TP53I3: variants seen among roughly 807,000 people sequenced by gnomAD.
The protein encoded by TP53I3 is tumor protein p53 inducible protein 3, also known as quinone oxidoreductase PIG3.
In TP53I3, 32 loss-of-function variants were observed where a neutral mutation model predicts 27.7. The observed-to-expected ratio is 1.16, with a 90% CI of 0.87 to 1.55. TP53I3 has a LOEUF of 1.55. Among genes scored for constraint, TP53I3 ranks in the 40% most tolerant of loss-of-function variants. The probability of loss-of-function intolerance (pLI) is 0.00; values close to 1 mark genes in which losing one functional copy is unlikely to be tolerated. For missense variants in TP53I3, 372 were observed against 412.3 expected, an observed-to-expected ratio of 0.90 and a Z score of 0.85; for synonymous variants, 138 against 167.8, an observed-to-expected ratio of 0.82 and a Z score of 1.37.
In TP53I3 at chr2:24,080,654, C is replaced by T; in HGVS notation, c.619+165G>A. ...CCATCTTAGATTTAAATATGACTGCCTGTCTCCAGTGGTCAAATACCATAG... is the reference window on the plus strand; with the variant it reads ...CCATCTTAGATTTAAATATGACTGCTTGTCTCCAGTGGTCAAATACCATAG... On this transcript the variant is annotated intron_variant, in intron 3 of 4. Transcript: ENST00000238721. This position sits in a 1 kb window ranked among gnomAD's most constrained non-coding sequence, Gnocchi z 4.7. 2.7e-6 allele frequency: 2 copies of T among 733,428 alleles called. No individual in the cohort carries two copies. The highest frequency in any genetic ancestry group is 3.4e-5 in the South Asian group (2 of 58,096). 45.4% of individuals were successfully genotyped at this position (733,428 alleles called of 1,614,324 possible).
rs536087523 is a variant in TP53I3 at position 24,081,786 on chromosome 2, C to G, written c.407-755G>C. Among the ~76,000 whole-genome samples the G allele has an allele frequency of 2.7e-3, 417 of 151,712 alleles. 3 individuals carry two copies. The highest frequency in any genetic ancestry group is 9.0e-3 in the African/African-American group (373 of 41,322). On this transcript the variant is annotated intron_variant, in intron 2 of 4. Coordinates refer to ENST00000238721, the MANE Select transcript of TP53I3 (RefSeq NM_004881.5). ...TCACTGCAAGCTCTGCCCCACCCCC[C>G]CTGCGTTCATGCCATTCTCTTGCCT...
chr2:24,078,112 T>G lies in TP53I3; in HGVS notation c.817-351A>C, dbSNP rs145401701. Among the ~76,000 whole-genome samples, 1,202 of 152,278 alleles carry G rather than the reference T, an allele frequency of 7.9e-3. 10 individuals are homozygous for G. Among genetic ancestry groups the G allele is most frequent in the Non-Finnish European group, 0.014 (927 of 68,022 alleles). ...GCAAAAAGCCCTTATCACCAGAGAC[T>G]GGAAACGGGGCTGCAATGGAACTGA... On this transcript the variant is annotated intron_variant, in intron 4 of 4. Coordinates refer to ENST00000238721, the MANE Select transcript of TP53I3 (RefSeq NM_004881.5).
chr2:24,079,432 T>C lies in TP53I3; in HGVS notation c.816+12A>G. The C allele has an allele frequency of 6.2e-7, 1 of 1,612,518 alleles. No homozygotes were observed. The highest frequency in any genetic ancestry group is 1.1e-5 in the South Asian group (1 of 90,992). On this transcript the variant is annotated intron_variant, in intron 4 of 4. Transcript: ENST00000238721. ...GGTTAAATCACATGTTTTCTTTTCA[T>C]TCATCACTCACCTTATTGTCCCTAG...
rs201028054 is a variant in TP53I3, at chr2:24,082,875, G to C, written c.406+10C>G. ...CACATTGTGTGGAGTGAGCATGGAG[G>C]CCTCCTCACCCACAAGATGTAACAG... is the stretch of plus-strand genomic sequence containing the variant. On this transcript the variant is annotated intron_variant, in intron 2 of 4. Coordinates refer to ENST00000238721, the MANE Select transcript of TP53I3 (RefSeq NM_004881.5). 1.9e-5 allele frequency: 30 copies of C among 1,595,446 alleles called. No individual in the cohort carries two copies. The highest frequency in any genetic ancestry group is 4.5e-4 in the Middle Eastern group (2 of 4,470).
chr2:24,082,867 G>GC lies in TP53I3; in HGVS notation c.406+17dup, dbSNP rs761021426. ...TGTTGAGCCACATTGTGTGGAGTGA[G>GC]CATGGAGGCCTCCTCACCCACAAGA... is the stretch of plus-strand genomic sequence containing the variant. On this transcript the variant is annotated intron_variant, in intron 2 of 4. Transcript: ENST00000238721. The GC allele has an allele frequency of 6.3e-7, 1 of 1,591,262 alleles. No individual in the cohort carries two copies. The highest frequency in any genetic ancestry group is 1.1e-5 in the South Asian group (1 of 88,944).
intron 1 of TP53I3, 27 bp from the exon 2 acceptor site, chr2:24,083,179 G>A: frequency 6.4e-7 from 1 of 1,566,280 alleles, no homozygotes; most frequent in Non-Finnish European, 8.7e-7. Flanking sequence ...GCACTAAGTG[G>A]TGAGCATGAT....
At chr2:24,079,251 G>A in intron 4 of TP53I3, 193 bp downstream of exon 4, 1 of 585,918 alleles carries the variant, frequency 1.7e-6, no homozygotes, top group Non-Finnish European at 3.0e-6. Flanking sequence ...TTCTTTTCAT[G>A]ATACTGAAGC....
rs1178836103 is a variant in TP53I3, at chr2:24,077,626, C to G, written c.952G>C (p.Glu318Gln). The G allele has an allele frequency of 6.2e-7, 1 of 1,613,966 alleles. No homozygotes were observed. Among genetic ancestry groups the G allele is most frequent in the Non-Finnish European group, 8.5e-7 (1 of 1,179,924 alleles). ...TEIQEAHKYM[E>Q]ANKNIGKIVL... ...ATCTTGCCTATGTTCTTGTTGGCCT[C>G]CATGTACTTATGGGCCTCCTGGATT... The change falls in exon 5 of 5, where the codon GAG becomes CAG. Residue 318 changes from glutamate to glutamine, a missense_variant. Glu to Gln is a conservative substitution (Grantham distance 29). Transcript: ENST00000238721. This position sits in a 1 kb window ranked among gnomAD's most constrained non-coding sequence, Gnocchi z 5.5.
Position 24,082,951 on chromosome 2 carries a change from TC to T in TP53I3, c.339del (p.Thr114ProfsTer2). On this transcript the variant is annotated frameshift_variant, in exon 2 of 5. Coordinates refer to ENST00000238721, the MANE Select transcript of TP53I3 (RefSeq NM_004881.5). LOFTEE classifies it high-confidence loss of function. ...EGLLMPIPEGLTLTQAAAIPE... is the reference protein window; with the variant it reads ...EGLLMPIPEGXTLTQAAAIPE... ...GGGATGGCTGCAGCCTGGGTCAGGG[TC>T]AATCCCTCTGGGATAGGCATGAGGA... 6.2e-7 allele frequency: 1 copy of T among 1,613,934 alleles called. No individual in the cohort carries two copies. Among genetic ancestry groups the T allele is most frequent in the Non-Finnish European group, 8.5e-7 (1 of 1,180,000 alleles).
Position 24,082,452 on chromosome 2 carries a change from C to A in TP53I3, c.406+433G>T, listed in dbSNP as rs559047525. 3.6e-3 allele frequency among the ~76,000 whole-genome samples: 547 copies of A among 152,344 alleles called. 5 individuals carry two copies. Among genetic ancestry groups the A allele is most frequent in the African/African-American group, 0.013 (530 of 41,574 alleles). Reference sequence around the variant, plus strand: ...CTTCTAAACTCTATGGTCATCTGATCTTATGCATATGTTGCCTTCTCAGTT... The same window carrying A: ...CTTCTAAACTCTATGGTCATCTGATATTATGCATATGTTGCCTTCTCAGTT... On this transcript the variant is annotated intron_variant, in intron 2 of 4. Coordinates refer to ENST00000238721, the MANE Select transcript of TP53I3 (RefSeq NM_004881.5).
intron 2 of TP53I3, among the ~76,000 whole-genome samples, chr2:24,081,690 GT>G (rs36028901): frequency 0.26 from 36,008 of 137,062 alleles, 3,961 homozygotes; most frequent in South Asian, 0.36. Flanking sequence ...CCTTGATACT[GT>G]TTTTTTTTTT....
rs1225918237 is a variant in TP53I3, at chr2:24,084,297, T to C, written c.30A>G (p.Gly10=). ...CCTTCACGTAGAGGTTTTCCGGTCC[T>C]CCCGGCTTGTCAAAGTGCACGGCTA... MLAVHFDKP[G]GPENLYVKEV... The change falls in exon 1 of 5, where the codon GGA becomes GGG. Residue 10 remains glycine (G), a synonymous_variant. Transcript: ENST00000238721. The surrounding 1 kb of genome is among the most constrained non-coding windows in gnomAD (Gnocchi z 8.4). 2 of 1,614,010 alleles carry C rather than the reference T, an allele frequency of 1.2e-6. No homozygotes were observed. The highest frequency in any genetic ancestry group is 2.2e-5 in the East Asian group (1 of 44,856).
rs539123617 is a variant in TP53I3 at position 24,079,046 on chromosome 2, G to A, written c.816+398C>T. The A allele has an allele frequency of 1.3e-4, 22 of 169,498 alleles. No individual in the cohort carries two copies. The South Asian group carries it at 2.6e-3, about 20-fold the overall frequency. 10.5% of individuals were successfully genotyped at this position (169,498 alleles called of 1,614,324 possible). A position where few individuals can be genotyped will look rare whatever the true frequency, so the allele number is the denominator to read the frequency against. On this transcript the variant is annotated intron_variant, in intron 4 of 4. Transcript: ENST00000238721. ...ACTACAAGCAAGTGCCACTGTGCCCGGCATGGAACCTATAATCTGTTGAAG... is the reference window on the plus strand; with the variant it reads ...ACTACAAGCAAGTGCCACTGTGCCCAGCATGGAACCTATAATCTGTTGAAG...
Position 24,077,852 on chromosome 2 carries a change from C to T in TP53I3, c.817-91G>A, listed in dbSNP as rs1233048624. 7.0e-7 allele frequency: 1 copy of T among 1,432,232 alleles called. No individual in the cohort carries two copies. Among genetic ancestry groups the T allele is most frequent in the African/African-American group, 1.4e-5 (1 of 69,986 alleles). 88.7% of individuals were successfully genotyped at this position (1,432,232 alleles called of 1,614,324 possible). Reference sequence around the variant, plus strand: ...TCAGCCTTCTTGCTCTCTCTGAAGCCACGTATCTGAAAAAGCACACAGGGA... The same window carrying T: ...TCAGCCTTCTTGCTCTCTCTGAAGCTACGTATCTGAAAAAGCACACAGGGA... On this transcript the variant is annotated intron_variant, in intron 4 of 4. Coordinates refer to ENST00000238721, the MANE Select transcript of TP53I3 (RefSeq NM_004881.5). The surrounding 1 kb of genome is among the most constrained non-coding windows in gnomAD (Gnocchi z 5.5).
At chr2:24,079,370 C>CT in intron 4 of TP53I3, 74 bp downstream of exon 4, 1 of 1,511,116 alleles carries the variant, frequency 6.6e-7, no homozygotes, top group Non-Finnish European at 9.0e-7. Context: ...GTAGAGCTTC[C>CT]TTTCTCGGGG....
Position 24,083,161 on chromosome 2 carries a change from AAAG to A in TP53I3, c.139-12_139-10del. 1 of 1,596,276 alleles carries A rather than the reference AAAG, an allele frequency of 6.3e-7. No individual in the cohort carries two copies. Among genetic ancestry groups the A allele is most frequent in the Non-Finnish European group, 8.6e-7 (1 of 1,168,186 alleles). ...TCATACTGGCCTTGTCTCTGCAGAG[AAAG>A]AAGTGCACTAAGTGGTGAGCATGAT... On this transcript the variant is annotated splice_polypyrimidine_tract_variant and intron_variant, in intron 1 of 4. Transcript: ENST00000238721.
In TP53I3 at chr2:24,077,561, G is replaced by C; in HGVS notation, c.*18C>G. 1 of 1,609,976 alleles carries C rather than the reference G, an allele frequency of 6.2e-7. No homozygotes were observed. The highest frequency in any genetic ancestry group is 8.5e-7 in the Non-Finnish European group (1 of 1,177,816). On this transcript the variant is annotated 3_prime_UTR_variant, in exon 5 of 5. Transcript: ENST00000238721. The surrounding 1 kb of genome is among the most constrained non-coding windows in gnomAD (Gnocchi z 5.5). ...GAAAGGCCTGGGGTGGCCGCGTCCT[G>C]TCCTGCCCCATCCTCCTTCACTGGG...
chr2:24,077,803 C>G lies in TP53I3; in HGVS notation c.817-42G>C, dbSNP rs1284851923. The stretch of plus-strand genomic sequence containing the variant: ...GAGATCATCAGCCTGGGGAGAGAGC[C>G]TCACCCTGCCCTCCTCATCCTCCTC... On this transcript the variant is annotated intron_variant, in intron 4 of 4. Coordinates refer to ENST00000238721, the MANE Select transcript of TP53I3 (RefSeq NM_004881.5). This position sits in a 1 kb window ranked among gnomAD's most constrained non-coding sequence, Gnocchi z 5.5. The G allele has an allele frequency of 3.8e-6, 6 of 1,580,426 alleles. No homozygotes were observed. Among genetic ancestry groups the G allele is most frequent in the Middle Eastern group, 3.5e-4 (2 of 5,660 alleles).
rs1665087245 is a variant in TP53I3, at chr2:24,083,093, A to G, written c.198T>C (p.Ser66=). Residue 66 remains serine, a synonymous_variant, in exon 2 of 5, where the codon TCT becomes TCC. Transcript: ENST00000238721. The part of the protein sequence containing the change: ...GASNILGLEA[S]GHVAELGPGC... ...CAGGCCCCAGCTCTGCCACATGTCCAGATGCCTCAAGTCCCAAAATGTTGC... is the reference window on the plus strand; with the variant it reads ...CAGGCCCCAGCTCTGCCACATGTCCGGATGCCTCAAGTCCCAAAATGTTGC... 2 of 1,613,964 alleles carry G rather than the reference A, an allele frequency of 1.2e-6. No homozygotes were observed. Among genetic ancestry groups the G allele is most frequent in the Non-Finnish European group, 1.7e-6 (2 of 1,179,986 alleles).
Sources: allele counts gnomAD v4.1 joint callset (sites outside exome capture counted in the v4.1 genomes callset), GRCh38; gene constraint gnomAD v4.1.1; non-coding constraint Gnocchi (gnomAD v3.1); transcripts MANE v1.5; gene names NCBI Gene and HGNC (gene_info 2026-07-23, HGNC 2026-07-21).